PLEKHG1: variants seen among roughly 807,000 people sequenced by gnomAD.
The protein encoded by PLEKHG1 is pleckstrin homology and RhoGEF domain containing G1.
PLEKHG1 carries 44 observed loss-of-function variants against 100.8 expected under a neutral mutation model. The observed-to-expected ratio is 0.44, with a 90% CI of 0.34 to 0.56. PLEKHG1 has a LOEUF of 0.56. Among genes scored for constraint, PLEKHG1 ranks in the 20% least tolerant of loss-of-function variants. The probability of loss-of-function intolerance (pLI) is 0.01; values close to 1 mark genes in which losing one functional copy is unlikely to be tolerated. For synonymous variants in PLEKHG1, 640 were observed against 662.5 expected, an observed-to-expected ratio of 0.97 and a Z score of 0.52; for missense variants, 1,545 against 1,720.9, an observed-to-expected ratio of 0.90 and a Z score of 1.81.
intron 3 of PLEKHG1, among the ~76,000 whole-genome samples, chr6:150,654,419 C>T (rs1778880071): frequency 6.6e-6 from 1 of 152,302 alleles, no homozygotes; most frequent in East Asian, 1.9e-4. Context: ...AGCGCTCTTC[C>T]CTGGAGGGTA....
intron 10 of PLEKHG1, among the ~76,000 whole-genome samples, chr6:150,811,298 C>G (rs1787514375): frequency 6.7e-6 from 1 of 149,742 alleles, no homozygotes; most frequent in South Asian, 2.1e-4. Context: ...AAGACAGGAT[C>G]TTACTCTGTC....
chr6:150,723,363 A>T (rs574716173), intron 1 of PLEKHG1, among the ~76,000 whole-genome samples: 1 of 152,354 alleles, frequency 6.6e-6, no homozygotes, highest in East Asian at 1.9e-4. Flanking sequence ...GGATATATGC[A>T]TTCCTGTGCA....
chr6:150,616,194 G>A (rs553672524), intron 1 of PLEKHG1, among the ~76,000 whole-genome samples: 33 of 152,146 alleles, frequency 2.2e-4, no homozygotes, highest in Non-Finnish European at 4.0e-4. Context: ...TTGCCCCACA[G>A]ATCTTAGTCA....
intron 15 of PLEKHG1, among the ~76,000 whole-genome samples, chr6:150,833,244 G>A (rs930573708): frequency 2.0e-5 from 3 of 151,706 alleles, no homozygotes; most frequent in Non-Finnish European, 4.4e-5. Context: ...GTAGAGATGG[G>A]ATTTTACCGT....
At chr6:150,753,995 A>G (rs1056797761) in intron 2 of PLEKHG1, among the ~76,000 whole-genome samples, 27 of 152,234 alleles carry the variant, frequency 1.8e-4, no homozygotes, top group Admixed American at 1.8e-3. Context: ...TGGGAACACT[A>G]AAGCACAGTG....
In PLEKHG1 at chr6:150,748,264, T is replaced by C. The variant is rs576050469; in HGVS notation, c.411+14172T>C. ...TATTTCATTGTGTGTGTAGATTGCA[T>C]TTCGTTTATCCATTCATCCATTGAT... is the stretch of plus-strand genomic sequence containing the variant. On this transcript the variant is annotated intron_variant, in intron 2 of 15. Transcript: ENST00000358517. Among the ~76,000 whole-genome samples the C allele has an allele frequency of 1.6e-4, 24 of 150,172 alleles. No individual in the cohort carries two copies. In the South Asian group the frequency reaches 5.1e-3, roughly 32 times the overall value.
chr6:150,740,489 A>G (rs192893398), intron 2 of PLEKHG1, among the ~76,000 whole-genome samples: 1 of 152,284 alleles, frequency 6.6e-6, no homozygotes, highest in East Asian at 1.9e-4. Context: ...TACTTAACAG[A>G]TATCTTCTCT....
intron 3 of PLEKHG1, among the ~76,000 whole-genome samples, chr6:150,656,361 A>G (rs1237428812): frequency 6.6e-6 from 1 of 152,198 alleles, no homozygotes; most frequent in Non-Finnish European, 1.5e-5. Context: ...CCTTGGAACT[A>G]GGAATTAGGA....
intron 1 of PLEKHG1, among the ~76,000 whole-genome samples, chr6:150,732,844 C>T (rs1302240338): frequency 6.6e-6 from 1 of 152,218 alleles, no homozygotes; most frequent in Non-Finnish European, 1.5e-5. Context: ...ACCCCAGCCT[C>T]CCAAAGTGCT....
At chr6:150,808,937 C>A (rs1787313834) in intron 7 of PLEKHG1, among the ~76,000 whole-genome samples, 168 bp from the exon 9 acceptor site, 1 of 152,284 alleles carries the variant, frequency 6.6e-6, no homozygotes, top group South Asian at 2.1e-4. Flanking sequence ...TTAAGTGGCA[C>A]CACTTGTAAA....
intron 2 of PLEKHG1, among the ~76,000 whole-genome samples, chr6:150,747,911 A>G (rs1783254298): frequency 6.6e-6 from 1 of 151,914 alleles, no homozygotes; most frequent in South Asian, 2.1e-4. Flanking sequence ...AAAAAAAAAA[A>G]GTTAAGCATG....
chr6:150,763,685 C>G (rs936855169), intron 2 of PLEKHG1, among the ~76,000 whole-genome samples: 2 of 152,204 alleles, frequency 1.3e-5, no homozygotes, highest in Non-Finnish European at 2.9e-5. Flanking sequence ...GAAGGAAAAT[C>G]AGAGGAGAGA....
intron 3 of PLEKHG1, among the ~76,000 whole-genome samples, chr6:150,783,428 G>A (rs1268720958): frequency 6.6e-6 from 1 of 151,498 alleles, no homozygotes; most frequent in African/African-American, 2.4e-5. Flanking sequence ...GGAGTGCAAT[G>A]GTGCAATCTC....
chr6:150,781,961 G>T (rs1360616914), intron 3 of PLEKHG1, among the ~76,000 whole-genome samples: 7 of 151,116 alleles, frequency 4.6e-5, no homozygotes, highest in Non-Finnish European at 8.8e-5. Flanking sequence ...TGTATTTTCA[G>T]TAGAGACAGG....
chr6:150,662,460 G>T (rs1582906141), intron 3 of PLEKHG1: 1 of 152,288 alleles, frequency 6.6e-6, no homozygotes, highest in East Asian at 1.9e-4. Context: ...TTGTCGCCCA[G>T]GCTGGAGTAC....
At chr6:150,742,384 G>T (rs1347054981) in intron 2 of PLEKHG1, among the ~76,000 whole-genome samples, 1 of 152,044 alleles carries the variant, frequency 6.6e-6, no homozygotes, top group Non-Finnish European at 1.5e-5. Context: ...GGCCAACATG[G>T]TGAAACCCTG....
chr6:150,782,532 T>C (rs931479316), intron 3 of PLEKHG1, among the ~76,000 whole-genome samples: 1 of 152,228 alleles, frequency 6.6e-6, no homozygotes, highest in Non-Finnish European at 1.5e-5. Flanking sequence ...AAGATATCCA[T>C]ACTTATTGGA....
intron 7 of PLEKHG1, among the ~76,000 whole-genome samples, chr6:150,805,791 T>C (rs1787050368): frequency 6.6e-6 from 1 of 152,138 alleles, no homozygotes; most frequent in African/African-American, 2.4e-5. Context: ...CCTCCCAAAG[T>C]GCTGGGATTA....
chr6:150,795,733 C>T, intron 4 of PLEKHG1, 123 bp from the exon 6 acceptor site: 1 of 382,266 alleles, frequency 2.6e-6, no homozygotes, highest in Non-Finnish European at 4.5e-6. Context: ...AAAAAAAAAA[C>T]AAAAAACATA....
Sources: gnomAD v4.1 joint callset for allele counts (sites outside exome capture counted in the v4.1 genomes callset) on GRCh38, gnomAD v4.1.1 for gene constraint, MANE v1.5 for transcripts, NCBI Gene and HGNC (gene_info 2026-07-23, HGNC 2026-07-21) for gene names.